VAV3: variants seen among roughly 807,000 people sequenced by gnomAD.
VAV3 encodes guanine nucleotide exchange factor VAV3.
In VAV3, 94 loss-of-function variants were observed where a neutral mutation model predicts 131.2. The ratio of observed to expected loss-of-function variants is 0.72; its 90% CI spans 0.61 to 0.85. The LOEUF is 0.85. Among genes scored for constraint, VAV3 ranks in the 40% least tolerant of loss-of-function variants. The pLI is 0.00. For missense variants in VAV3, 939 were observed against 1,002.7 expected (o/e 0.94, Z 0.86); for synonymous variants, 349 against 342.0 (o/e 1.02, Z -0.22).
chr1:107,884,094 C>T (rs1318303009), intron 1 of VAV3, among the ~76,000 whole-genome samples: 1 of 150,604 alleles, frequency 6.6e-6, no homozygotes, highest in Non-Finnish European at 1.5e-5. Flanking sequence ...ATTTTGTTAG[C>T]CAGAAGACAG....
Position 107,869,029 on chromosome 1 carries a change from T to C in VAV3, c.321+5872A>G, listed in dbSNP as rs527739264. On this transcript the variant is annotated intron_variant, in intron 2 of 26. Coordinates refer to ENST00000370056, the MANE Select transcript of VAV3 (RefSeq NM_006113.5). ...ACTCCATGTGGTACCCAGATGGTTA[T>C]AGCTCCTTGTGTAGACTCACATCTA... is the stretch of plus-strand genomic sequence containing the variant. Among the ~76,000 whole-genome samples the C allele has an allele frequency of 2.6e-5, 4 of 151,834 alleles. No homozygotes were observed. The East Asian group carries it at 7.8e-4, about 29-fold the overall frequency.
At chr1:107,964,582 C>G in intron 1 of VAV3, 84 bp downstream of exon 1, 1 of 1,442,950 alleles carries the variant, frequency 6.9e-7, no homozygotes, top group Non-Finnish European at 9.4e-7. Flanking sequence ...CGCACCTAGA[C>G]GTTTGCATTT....
chr1:107,956,693 A>G (rs1674833163), intron 1 of VAV3, among the ~76,000 whole-genome samples: 1 of 152,180 alleles, frequency 6.6e-6, no homozygotes, highest in Admixed American at 6.5e-5. Flanking sequence ...TACTTTGAGA[A>G]CATTAAAGAA....
intron 20 of VAV3, among the ~76,000 whole-genome samples, chr1:107,620,402 A>G (rs142052660): frequency 2.0e-4 from 30 of 152,298 alleles, no homozygotes; most frequent in Admixed American, 3.3e-4. Flanking sequence ...AGATACACAA[A>G]TGTTATAACT....
chr1:107,956,307 T>C (rs989148492), intron 1 of VAV3, among the ~76,000 whole-genome samples: 1 of 152,226 alleles, frequency 6.6e-6, no homozygotes, highest in Non-Finnish European at 1.5e-5. Flanking sequence ...CAGAGTGATC[T>C]GGAGAGTCAA....
At position 107,760,712 on chromosome 1, in the gene VAV3, G is replaced by A. The variant is rs537382902; in HGVS notation, c.1017+72C>T. On this transcript the variant is annotated intron_variant, in intron 10 of 26. Coordinates refer to ENST00000370056, the MANE Select transcript of VAV3 (RefSeq NM_006113.5). ...GCCCAACACATGGAATATCTGCAAT[G>A]TAGTTGATGCTTCATTAATATTTTG... 3.4e-6 allele frequency: 4 copies of A among 1,188,068 alleles called. No individual in the cohort carries two copies. In the Admixed American group the frequency reaches 7.4e-5, roughly 22 times the overall value. 73.6% of individuals were successfully genotyped at this position (1,188,068 alleles called of 1,614,324 possible). A position where few individuals can be genotyped will look rare whatever the true frequency, so the allele number is the denominator to read the frequency against.
rs1404410910 is a variant in VAV3, at chr1:107,820,433, G to A, written c.322-40941C>T. On this transcript the variant is annotated intron_variant, in intron 2 of 26. Transcript: ENST00000370056. ...TTAAAACTATTTAACTCATGGAGAT[G>A]GAGAGTAGAAGAATGGTTACTGAGG... 1.2e-4 allele frequency among the ~76,000 whole-genome samples: 18 copies of A among 152,170 alleles called. No homozygotes were observed. The East Asian group carries it at 2.7e-3, about 23-fold the overall frequency.
At chr1:107,766,398 C>T (rs1056355325) in intron 8 of VAV3, 49 bp downstream of exon 8, 3 of 1,244,784 alleles carry the variant, frequency 2.4e-6, no homozygotes, top group Non-Finnish European at 3.5e-6. Flanking sequence ...TACTAATCCT[C>T]ACTATAATTA....
At chr1:107,588,330 T>C (rs1254847751) in intron 25 of VAV3, among the ~76,000 whole-genome samples, 1 of 152,228 alleles carries the variant, frequency 6.6e-6, no homozygotes, top group East Asian at 1.9e-4. Context: ...GAATAGTGTG[T>C]ATACCGGAAT....
intron 15 of VAV3, among the ~76,000 whole-genome samples, chr1:107,705,603 TAATGA>T (rs1660394408): frequency 6.6e-6 from 1 of 152,176 alleles, no homozygotes. Flanking sequence ...ATCTAAGTAA[TAATGA>T]AACAAAATAA....
intron 6 of VAV3, among the ~76,000 whole-genome samples, 188 bp downstream of exon 6, chr1:107,770,448 A>C (rs1664977964): frequency 6.6e-6 from 1 of 152,210 alleles, no homozygotes; most frequent in South Asian, 2.1e-4. Flanking sequence ...TCCCTGAAAC[A>C]GTGCCACTCA....
intron 2 of VAV3, among the ~76,000 whole-genome samples, chr1:107,799,311 C>CA (rs74262708): frequency 0.013 from 1,237 of 97,814 alleles, 9 homozygotes; most frequent in African/African-American, 0.032. Context: ...GTTCACCTAT[C>CA]AAAAAAAAAA....
chr1:107,656,599 G>A (rs1056540605), intron 19 of VAV3, among the ~76,000 whole-genome samples: 6 of 152,064 alleles, frequency 3.9e-5, no homozygotes, highest in Non-Finnish European at 8.8e-5. Context: ...AGCCAGGAAA[G>A]CACAATTCAA....
chr1:107,708,167 T>C (rs1256671754), intron 15 of VAV3, among the ~76,000 whole-genome samples: 1 of 152,102 alleles, frequency 6.6e-6, no homozygotes, highest in African/African-American at 2.4e-5. Context: ...TGAGATTTTA[T>C]ACAGGATTGA....
intron 19 of VAV3, among the ~76,000 whole-genome samples, chr1:107,643,795 C>A (rs1470720140): frequency 6.6e-6 from 1 of 152,094 alleles, no homozygotes; most frequent in Non-Finnish European, 1.5e-5. Flanking sequence ...CCTCAAAATT[C>A]TTTTGAACAA....
At chr1:107,672,933 G>T (rs571672705) in intron 19 of VAV3, among the ~76,000 whole-genome samples, 14 of 152,036 alleles carry the variant, frequency 9.2e-5, no homozygotes, top group Non-Finnish European at 1.8e-4. Context: ...TAATATGTGG[G>T]GACATAATTC....
chr1:107,595,493 A>C (rs1398550607), intron 25 of VAV3, among the ~76,000 whole-genome samples: 2 of 152,114 alleles, frequency 1.3e-5, no homozygotes, highest in African/African-American at 4.8e-5. Flanking sequence ...CACTTATTTA[A>C]AAAAAATAAA....
chr1:107,880,019 T>C (rs1389360582), intron 1 of VAV3, among the ~76,000 whole-genome samples: 1 of 152,164 alleles, frequency 6.6e-6, no homozygotes, highest in Non-Finnish European at 1.5e-5. Context: ...TGAATAAAAA[T>C]GCCAAGAGCT....
At chr1:107,691,284 A>G (rs1659406554) in intron 17 of VAV3, among the ~76,000 whole-genome samples, 1 of 152,204 alleles carries the variant, frequency 6.6e-6, no homozygotes, top group Non-Finnish European at 1.5e-5. Flanking sequence ...AAAATGGAAT[A>G]AGAAACCTTT....
Sources: gnomAD v4.1 joint callset for allele counts (sites outside exome capture counted in the v4.1 genomes callset) on GRCh38, gnomAD v4.1.1 for gene constraint, MANE v1.5 for transcripts, NCBI Gene and HGNC (gene_info 2026-07-23, HGNC 2026-07-21) for gene names.